Variants in SCHIP1 observed in about 807,000 individuals in gnomAD.
SCHIP1 encodes the protein schwannomin-interacting protein 1.
SCHIP1 carries 8 observed loss-of-function variants against 29.7 expected under a neutral mutation model. The ratio of observed to expected loss-of-function variants is 0.27; its 90% CI spans 0.16 to 0.49. The LOEUF (loss-of-function observed/expected upper bound fraction) is 0.49, where lower values mean the gene tolerates loss of function less well. Among genes scored for constraint, SCHIP1 ranks in the 20% least tolerant of loss-of-function variants. SCHIP1 has a pLI of 0.99. For synonymous variants in SCHIP1, 76 were observed against 94.9 expected, an observed-to-expected ratio of 0.80 and a Z score of 1.16; for missense variants, 193 against 294.6, an observed-to-expected ratio of 0.66 and a Z score of 2.52.
At chr3:159,896,626 C>A in intron 6 of SCHIP1, 97 bp from the exon 8 acceptor site, 1 of 1,243,660 alleles carries the variant, frequency 8.0e-7, no homozygotes, top group South Asian at 2.0e-5. Context: ...CTGTCAGTAA[C>A]TCTGAACTTC....
intron 1 of SCHIP1, among the ~76,000 whole-genome samples, chr3:159,849,919 T>C (rs1287620252): frequency 6.6e-6 from 1 of 152,204 alleles, no homozygotes; most frequent in East Asian, 1.9e-4. Flanking sequence ...AGCTCTTCAT[T>C]GTGCGCTTAT....
At chr3:159,511,417 G>A in the SCHIP1 span, among the ~76,000 whole-genome samples, 2 of 152,144 alleles carry the variant, frequency 1.3e-5, no homozygotes, top group African/African-American at 4.8e-5. Flanking sequence ...TGCGCTTCCC[G>A]GGTGAAGCAA....
At chr3:159,776,835 G>A in the SCHIP1 span, among the ~76,000 whole-genome samples, 1 of 152,144 alleles carries the variant, frequency 6.6e-6, no homozygotes, top group Non-Finnish European at 1.5e-5. Context: ...ATCACACTGG[G>A]AATGAGAATA....
the SCHIP1 span, among the ~76,000 whole-genome samples, chr3:159,323,625 A>G: frequency 6.6e-6 from 1 of 152,236 alleles, no homozygotes; most frequent in Non-Finnish European, 1.5e-5. Flanking sequence ...TGTAATGAAT[A>G]TCTTTTCACA....
At chr3:159,359,369 G>A in the SCHIP1 span, among the ~76,000 whole-genome samples, 1 of 152,152 alleles carries the variant, frequency 6.6e-6, no homozygotes, top group Non-Finnish European at 1.5e-5. Context: ...TGGGAATCTA[G>A]TCTTTGCCCT....
chr3:159,828,376 C>CATATATATATAT, the SCHIP1 span, among the ~76,000 whole-genome samples: 33 of 75,724 alleles, frequency 4.4e-4, no homozygotes, highest in African/African-American at 2.1e-3. Context: ...TATATATATA[C>CATATATATATAT]ATATATATAT....
At chr3:159,425,951 A>G in the SCHIP1 span, among the ~76,000 whole-genome samples, 2 of 152,242 alleles carry the variant, frequency 1.3e-5, no homozygotes, top group African/African-American at 4.8e-5. Flanking sequence ...TACTGGGTAC[A>G]TAACGAAATG....
chr3:159,634,206 G>A, the SCHIP1 span, among the ~76,000 whole-genome samples: 1 of 152,130 alleles, frequency 6.6e-6, no homozygotes, highest in East Asian at 1.9e-4. Context: ...TAGAAATGCA[G>A]AGAGAGTGTA....
chr3:159,678,151 CCA>C, the SCHIP1 span, among the ~76,000 whole-genome samples: 1 of 152,196 alleles, frequency 6.6e-6, no homozygotes, highest in Non-Finnish European at 1.5e-5. Flanking sequence ...TCTTTTGAAT[CCA>C]CAGTTTTTGT....
chr3:159,863,966 A>G (rs973239560), intron 1 of SCHIP1, among the ~76,000 whole-genome samples: 1 of 152,212 alleles, frequency 6.6e-6, no homozygotes, highest in Non-Finnish European at 1.5e-5. Context: ...ACCCTAGGCT[A>G]ATGTCAGGCC....
chr3:159,683,061 T>C, the SCHIP1 span, among the ~76,000 whole-genome samples: 1 of 152,132 alleles, frequency 6.6e-6, no homozygotes, highest in African/African-American at 2.4e-5. Context: ...GATTTAGGAA[T>C]CTGCATTTTG....
intron 1 of SCHIP1, 34 bp from the exon 3 acceptor site, chr3:159,866,129 C>T (rs917929141): frequency 5.0e-6 from 8 of 1,603,422 alleles, no homozygotes; most frequent in South Asian, 2.2e-5. Context: ...TATCTGCCCA[C>T]TTATCAGCAT....
chr3:159,605,237 T>C, the SCHIP1 span, among the ~76,000 whole-genome samples: 1 of 152,226 alleles, frequency 6.6e-6, no homozygotes, highest in Admixed American at 6.5e-5. Flanking sequence ...AGGGAGCATA[T>C]CTTTTTGACA....
At chr3:159,766,842 G>A in the SCHIP1 span, among the ~76,000 whole-genome samples, 1 of 152,110 alleles carries the variant, frequency 6.6e-6, no homozygotes. Context: ...AAATTTGATG[G>A]CTTACCTAGC....
the SCHIP1 span, among the ~76,000 whole-genome samples, chr3:159,415,605 T>C: frequency 6.6e-6 from 1 of 152,172 alleles, no homozygotes; most frequent in African/African-American, 2.4e-5. Context: ...GCTCCATCCA[T>C]GTTCCCACAA....
At chr3:159,714,293 T>C in the SCHIP1 span, among the ~76,000 whole-genome samples, 1 of 152,020 alleles carries the variant, frequency 6.6e-6, no homozygotes, top group African/African-American at 2.4e-5. Flanking sequence ...TAGGAACAGC[T>C]CCAGTCTACA....
At chr3:159,467,624 T>A in the SCHIP1 span, among the ~76,000 whole-genome samples, 2 of 152,090 alleles carry the variant, frequency 1.3e-5, no homozygotes, top group Non-Finnish European at 2.9e-5. Context: ...AATAGTTATT[T>A]TGTGTAATTC....
At chr3:159,840,303 A>G in intron 1 of SCHIP1, 5 of 1,185,858 alleles carry the variant, frequency 4.2e-6, no homozygotes, top group Non-Finnish European at 6.0e-6. Context: ...CTTTCCGGAT[A>G]TTCAGGGATT....
the SCHIP1 span, among the ~76,000 whole-genome samples, chr3:159,370,420 T>C: frequency 2.6e-5 from 4 of 152,322 alleles, no homozygotes; most frequent in South Asian, 2.1e-4. Flanking sequence ...CCTTTCCAGC[T>C]CAATTTTTCT....
Sources: gnomAD v4.1 joint callset for allele counts (sites outside exome capture counted in the v4.1 genomes callset) on GRCh38, gnomAD v4.1.1 for gene constraint, MANE v1.5 for transcripts, NCBI Gene and HGNC (gene_info 2026-07-23, HGNC 2026-07-21) for gene names.